SLC7A2: variants seen among roughly 807,000 people sequenced by gnomAD.
SLC7A2 encodes the protein solute carrier family 7 member 2.
A neutral mutation model predicts 58.9 loss-of-function variants in SLC7A2; 48 were observed. That is an observed-to-expected ratio of 0.82 (90% CI 0.65 to 1.04). The LOEUF is 1.04. Among genes scored for constraint, SLC7A2 ranks in the 50% least tolerant of loss-of-function variants. The pLI is 0.00. For missense variants in SLC7A2, 1,029 were observed against 818.8 expected, an observed-to-expected ratio of 1.26 and a Z score of -3.13; for synonymous variants, 363 against 314.5, an observed-to-expected ratio of 1.15 and a Z score of -1.63.
intron 2 of SLC7A2, among the ~76,000 whole-genome samples, chr8:17,513,268 G>A (rs1043874452): frequency 3.3e-5 from 5 of 152,052 alleles, no homozygotes; most frequent in Admixed American, 6.6e-5. Flanking sequence ...TTACATTACC[G>A]TGGACACAAG....
intron 5 of SLC7A2, among the ~76,000 whole-genome samples, chr8:17,549,699 A>G (rs1802355077): frequency 6.6e-6 from 1 of 152,228 alleles, no homozygotes; most frequent in South Asian, 2.1e-4. Flanking sequence ...TATCTATTGC[A>G]TGGAATGGGG....
chr8:17,548,858 GTT>G lies in SLC7A2; in HGVS notation c.698+25_698+26del, dbSNP rs11373918. 2.6e-4 allele frequency: 312 copies of G among 1,199,602 alleles called. No individual in the cohort carries two copies. Among genetic ancestry groups the G allele is most frequent in the Middle Eastern group, 1.2e-3 (6 of 4,916 alleles). The allele number at this position is 1,199,602 out of a possible 1,614,324, so 74.3% of individuals were successfully genotyped here. The stretch of plus-strand genomic sequence containing the variant: ...GCAAGTGCCAGGTAAAATATTTGAG[GTT>G]TTTTTTTTTCTCCTTCTTGTTTAAG... On this transcript the variant is annotated intron_variant, in intron 5 of 12. Coordinates refer to ENST00000494857, the MANE Select transcript of SLC7A2 (RefSeq NM_001370338.1).
intron 2 of SLC7A2, among the ~76,000 whole-genome samples, chr8:17,505,249 G>C (rs1465068903): frequency 2.6e-5 from 4 of 152,174 alleles, no homozygotes; most frequent in Non-Finnish European, 4.4e-5. Context: ...AGAAACCCAA[G>C]ATAAGAACCT....
In SLC7A2 at chr8:17,551,747, T is replaced by G. The variant is rs747903305; in HGVS notation, c.833-17T>G. 1 of 1,571,820 alleles carries G rather than the reference T, an allele frequency of 6.4e-7. No homozygotes were observed. The highest frequency in any genetic ancestry group is 1.7e-5 in the Admixed American group (1 of 59,944). Reference sequence around the variant, plus strand: ...TGTTTTATTAAGCATACACATCTTTTGTTTATATTTCCTTAGGTGAAGAAG... The same window carrying G: ...TGTTTTATTAAGCATACACATCTTTGGTTTATATTTCCTTAGGTGAAGAAG... On this transcript the variant is annotated splice_polypyrimidine_tract_variant and intron_variant, in intron 6 of 12. Coordinates refer to ENST00000494857, the MANE Select transcript of SLC7A2 (RefSeq NM_001370338.1).
In SLC7A2 at chr8:17,550,445, T is replaced by TA. The variant is rs34505484; in HGVS notation, c.832+11_832+12insA. ...GCATTGCAACAACTGGTAAGAGCAG[T>TA]GTCTTGGCTCAGTGTAGAAGGAGTG... On this transcript the variant is annotated intron_variant, in intron 6 of 12. Transcript: ENST00000494857. The TA allele has an allele frequency of 1.2e-5, 20 of 1,611,744 alleles. No homozygotes were observed. The highest frequency in any genetic ancestry group is 1.6e-5 in the Non-Finnish European group (19 of 1,178,798).
intron 2 of SLC7A2, among the ~76,000 whole-genome samples, chr8:17,523,263 G>A (rs1480037214): frequency 1.3e-5 from 2 of 152,004 alleles, no homozygotes; most frequent in Non-Finnish European, 1.5e-5. Flanking sequence ...ACAGAACTAG[G>A]AAAAACAATC....
rs1410414812 is a variant in SLC7A2, at chr8:17,566,607, A to C, written c.*1461A>C. 2 of 152,182 alleles carry C rather than the reference A, an allele frequency of 1.3e-5. No homozygotes were observed. The highest frequency in any genetic ancestry group is 4.8e-5 in the African/African-American group (2 of 41,404). 9.4% of individuals were successfully genotyped at this position (152,182 alleles called of 1,614,324 possible). On this transcript the variant is annotated 3_prime_UTR_variant, in exon 13 of 13. Coordinates refer to ENST00000494857, the MANE Select transcript of SLC7A2 (RefSeq NM_001370338.1). ...AAAAAACATGATTATTTAAAACTGG[A>C]AACTAAAAAGAATCAAATTGAATTA... is the stretch of plus-strand genomic sequence containing the variant.
At chr8:17,509,907 T>C (rs1206737297) in intron 2 of SLC7A2, among the ~76,000 whole-genome samples, 3 of 151,980 alleles carry the variant, frequency 2.0e-5, no homozygotes, top group Non-Finnish European at 4.4e-5. Context: ...CTATTTTTCA[T>C]TGGTATGTGC....
At chr8:17,503,006 C>G (rs901893878) in intron 2 of SLC7A2, among the ~76,000 whole-genome samples, 1 of 151,888 alleles carries the variant, frequency 6.6e-6, no homozygotes, top group Non-Finnish European at 1.5e-5. Flanking sequence ...CAAATTTCTT[C>G]TGTGTGTTTT....
chr8:17,502,828 T>G (rs912868203), intron 2 of SLC7A2, among the ~76,000 whole-genome samples: 16 of 152,176 alleles, frequency 1.1e-4, no homozygotes, highest in Non-Finnish European at 1.6e-4. Flanking sequence ...CACGGCACAC[T>G]GCTATAATAC....
intron 9 of SLC7A2, among the ~76,000 whole-genome samples, chr8:17,559,345 G>T (rs868788484): frequency 3.3e-5 from 5 of 152,188 alleles, no homozygotes; most frequent in Admixed American, 6.5e-5. Context: ...AATCTTGGTG[G>T]AAGGGGAAGC....
intron 2 of SLC7A2, among the ~76,000 whole-genome samples, chr8:17,542,210 C>T (rs766868295): frequency 3.9e-5 from 6 of 152,200 alleles, no homozygotes; most frequent in Non-Finnish European, 7.3e-5. Context: ...GAAGCTCACA[C>T]ATGCTTGATA....
intron 7 of SLC7A2, among the ~76,000 whole-genome samples, chr8:17,552,355 A>C (rs985109631): frequency 3.3e-5 from 5 of 152,206 alleles, no homozygotes; most frequent in African/African-American, 4.8e-5. Flanking sequence ...CGTTGGTGAT[A>C]CTTGTAGTTC....
rs930882332 is a variant in SLC7A2 at position 17,565,075 on chromosome 8, C to T, written c.1906C>T (p.Gln636Ter). ...AGCAGCAGAAGAAAAATCTGCCATT[C>T]AAGCAAATGACCATCACCCAAGAAA... ...HAAAEEKSAI[Q>*]ANDHHPRNLS... The change falls in exon 13 of 13, where the codon CAA becomes TAA. Residue 636 changes from glutamine (Q) to a stop codon, truncating the protein, a stop_gained. Transcript: ENST00000494857. LOFTEE classifies it high-confidence loss of function. 1.9e-6 allele frequency: 3 copies of T among 1,613,992 alleles called. No individual in the cohort carries two copies. In the South Asian group the frequency reaches 3.3e-5, roughly 18 times the overall value.
chr8:17,535,124 A>T (rs1234142184), intron 2 of SLC7A2, among the ~76,000 whole-genome samples: 1 of 151,972 alleles, frequency 6.6e-6, no homozygotes, highest in African/African-American at 2.4e-5. Context: ...GTGATTTCCT[A>T]TTGCCACCAG....
chr8:17,561,169 A>G (rs1585270740), intron 10 of SLC7A2, among the ~76,000 whole-genome samples: 1 of 152,144 alleles, frequency 6.6e-6, no homozygotes, highest in African/African-American at 2.4e-5. Context: ...TGCAGATGAT[A>G]TATTATTTTT....
chr8:17,494,075 A>G (rs576302732), upstream of SLC7A2, among the ~76,000 whole-genome samples: 8 of 152,374 alleles, frequency 5.3e-5, no homozygotes, highest in East Asian at 1.3e-3. Flanking sequence ...AAGCATTAGT[A>G]TCCAGTATCC....
At chr8:17,501,865 C>G (rs927410628) in intron 1 of SLC7A2, among the ~76,000 whole-genome samples, 1 of 149,572 alleles carries the variant, frequency 6.7e-6, no homozygotes, top group African/African-American at 2.5e-5. Flanking sequence ...ATTCCATGAC[C>G]TTTGTAACAG....
rs766076174 is a variant in SLC7A2, at chr8:17,569,540, T to C, written c.*4394T>C. On this transcript the variant is annotated 3_prime_UTR_variant, in exon 13 of 13. Transcript: ENST00000494857. ...ATATAGATATGAAATTGCTTGACTT[T>C]ATTGTTTTGGGGAGATTTTTTTTCC... The C allele has an allele frequency of 3.3e-5, 5 of 152,200 alleles. No homozygotes were observed. The highest frequency in any genetic ancestry group is 7.2e-5 in the African/African-American group (3 of 41,458). The allele number at this position is 152,200 out of a possible 1,614,324, so 9.4% of individuals were successfully genotyped here.
Sources: allele counts gnomAD v4.1 joint callset (sites outside exome capture counted in the v4.1 genomes callset), GRCh38; gene constraint gnomAD v4.1.1; transcripts MANE v1.5; gene names NCBI Gene and HGNC (gene_info 2026-07-23, HGNC 2026-07-21).